TG: variants seen among roughly 807,000 people sequenced by gnomAD.
TG encodes thyroglobulin.
TG carries 270 observed loss-of-function variants against 324.7 expected under a neutral mutation model. The ratio of observed to expected loss-of-function variants is 0.83; its 90% confidence interval spans 0.75 to 0.92. The LOEUF (loss-of-function observed/expected upper bound fraction) is 0.92, where lower values mean the gene tolerates loss of function less well. Ranked by LOEUF, TG falls within the 40% of genes least tolerant of loss-of-function variation. The pLI is 0.00. For synonymous variants in TG, 1,401 were observed against 1,327.0 expected, an observed-to-expected ratio of 1.06 and a Z score of -1.21; for missense variants, 3,591 against 3,456.4, an observed-to-expected ratio of 1.04 and a Z score of -0.98.
chr8:132,914,115 A>G (rs1819948244), intron 20 of TG, among the ~76,000 whole-genome samples: 1 of 152,022 alleles, frequency 6.6e-6, no homozygotes, highest in African/African-American at 2.4e-5. Context: ...GATTCAGGAT[A>G]CTCCTTTATT....
chr8:133,052,991 G>A (rs1459017276), intron 41 of TG, among the ~76,000 whole-genome samples: 1 of 152,204 alleles, frequency 6.6e-6, no homozygotes, highest in African/African-American at 2.4e-5. Context: ...TGAATGGGCC[G>A]TTTATTAACA....
intron 41 of TG, among the ~76,000 whole-genome samples, chr8:133,073,573 C>T (rs1235321090): frequency 6.6e-6 from 1 of 152,154 alleles, no homozygotes; most frequent in East Asian, 1.9e-4. Context: ...CTATTAGTTG[C>T]AACAAATTTG....
intron 43 of TG, among the ~76,000 whole-genome samples, chr8:133,103,905 G>T (rs1479812243): frequency 6.6e-6 from 1 of 152,252 alleles, no homozygotes; most frequent in African/African-American, 2.4e-5. Flanking sequence ...AAAGGACACA[G>T]ATGATGTAAG....
In TG at chr8:132,886,965, C is replaced by A; in HGVS notation, c.1593C>A (p.Ser531=). ...CTGTGGGATTAGATTCAAATTCTTC[C>A]ACAGGAACCCCTGAAGCTGCTAAGA... ...PLSVGLDSNS[S]TGTPEAAKKD... Residue 531 remains serine, a synonymous_variant, in exon 9 of 48, where the codon TCC becomes TCA. Coordinates refer to ENST00000220616, the MANE Select transcript of TG (RefSeq NM_003235.5). 6.2e-7 allele frequency: 1 copy of A among 1,614,136 alleles called. No homozygotes were observed. The highest frequency in any genetic ancestry group is 2.2e-5 in the East Asian group (1 of 44,876).
chr8:133,035,497 T>C (rs1406713359), intron 41 of TG, among the ~76,000 whole-genome samples: 1 of 152,204 alleles, frequency 6.6e-6, no homozygotes, highest in Non-Finnish European at 1.5e-5. Flanking sequence ...TATTTATTTA[T>C]TTACTTATCT....
At chr8:133,039,860 C>T in intron 41 of TG, 1 of 1,430,574 alleles carries the variant, frequency 7.0e-7, no homozygotes, top group South Asian at 1.4e-5. Flanking sequence ...GCTCACCCCC[C>T]AGTTTCAGCA....
chr8:133,030,113 A>G (rs922879314), intron 41 of TG, 90 bp downstream of exon 41: 33 of 1,512,608 alleles, frequency 2.2e-5, no homozygotes, highest in African/African-American at 4.1e-5. Context: ...GTTGGCTTCA[A>G]TTGCTTGGGT....
intron 41 of TG, among the ~76,000 whole-genome samples, chr8:133,078,983 T>C (rs1376499789): frequency 6.6e-6 from 1 of 152,150 alleles, no homozygotes; most frequent in Non-Finnish European, 1.5e-5. Flanking sequence ...AAGAAACCTC[T>C]AGGGCTCCTG....
At chr8:133,127,753 G>A (rs1044444728) in intron 45 of TG, among the ~76,000 whole-genome samples, 14 of 152,108 alleles carry the variant, frequency 9.2e-5, no homozygotes, top group Admixed American at 2.0e-4. Flanking sequence ...GACCTGTGAG[G>A]CCAGCGCCTT....
rs1284536797 is a variant in TG at position 132,911,590 on chromosome 8, T to G, written c.4159+57T>G. 3 of 1,453,738 alleles carry G rather than the reference T, an allele frequency of 2.1e-6. No individual in the cohort carries two copies. The African/African-American group carries it at 4.2e-5, about 20-fold the overall frequency. The allele number at this position is 1,453,738 out of a possible 1,614,324, so 90.1% of individuals were successfully genotyped here. ...GCTATGCAGCCTCTCTGAGTCTCAG[T>G]TTTCTCATCTGCCAAATGGAGCTGG... On this transcript the variant is annotated intron_variant, in intron 19 of 47. Coordinates refer to ENST00000220616, the MANE Select transcript of TG (RefSeq NM_003235.5).
chr8:132,904,686 C>T (rs562518347), intron 16 of TG, among the ~76,000 whole-genome samples: 4 of 152,228 alleles, frequency 2.6e-5, no homozygotes, highest in South Asian at 4.2e-4. Context: ...GGAGGAAAAC[C>T]CCTTTCTAGC....
chr8:132,893,257 T>C (rs853312), intron 10 of TG, among the ~76,000 whole-genome samples: 6 of 139,958 alleles, frequency 4.3e-5, no homozygotes, highest in African/African-American at 1.6e-4. Flanking sequence ...GTGGTGTGTA[T>C]GTGTGTGGTG....
intron 44 of TG, 50 bp downstream of exon 44, chr8:133,113,653 C>T (rs371498572): frequency 1.3e-5 from 21 of 1,592,762 alleles, no homozygotes; most frequent in African/African-American, 2.7e-5. Context: ...TGTTTTGGAG[C>T]AGACTCAGTT....
Position 133,046,087 on chromosome 8 carries a change from A to G in TG, c.7239+16064A>G, listed in dbSNP as rs570688071. 2.0e-5 allele frequency among the ~76,000 whole-genome samples: 3 copies of G among 152,328 alleles called. 1 individual carries two copies. In the South Asian group the frequency reaches 6.2e-4, roughly 32 times the overall value. ...ACCTGATATGGGTTGGTAAGAGTAG[A>G]ACCGCAGCCATGTGCCTCGATTTCC... On this transcript the variant is annotated intron_variant, in intron 41 of 47. Coordinates refer to ENST00000220616, the MANE Select transcript of TG (RefSeq NM_003235.5).
At chr8:133,118,489 T>G (rs1850886840) in intron 45 of TG, among the ~76,000 whole-genome samples, 1 of 152,104 alleles carries the variant, frequency 6.6e-6, no homozygotes, top group Non-Finnish European at 1.5e-5. Context: ...GATTCCCAGC[T>G]AATTTTCGTA....
intron 41 of TG, among the ~76,000 whole-genome samples, chr8:133,089,460 C>T (rs1335985648): frequency 6.6e-6 from 1 of 152,110 alleles, no homozygotes; most frequent in African/African-American, 2.4e-5. Context: ...TCTGTAATAC[C>T]CCATTTAAAA....
rs187019927 is a variant in TG, at chr8:132,956,530, A to C, written c.5402-4478A>C. ...AACCTGATTCTGAAAGAATGAGTAG[A>C]GGTCAATCAAGTGAAAGAGAACAGG... is the stretch of plus-strand genomic sequence containing the variant. On this transcript the variant is annotated intron_variant, in intron 27 of 47. Coordinates refer to ENST00000220616, the MANE Select transcript of TG (RefSeq NM_003235.5). 4.6e-5 allele frequency among the ~76,000 whole-genome samples: 7 copies of C among 152,320 alleles called. No homozygotes were observed. In the East Asian group the frequency reaches 1.4e-3, roughly 29 times the overall value.
At chr8:132,892,749 T>G (rs1480808952) in intron 10 of TG, among the ~76,000 whole-genome samples, 2 of 151,496 alleles carry the variant, frequency 1.3e-5, no homozygotes, top group African/African-American at 4.9e-5. Context: ...GTATGGTGTG[T>G]GCACTTATGT....
chr8:132,922,414 G>A (rs549197922), intron 21 of TG, among the ~76,000 whole-genome samples: 9 of 152,316 alleles, frequency 5.9e-5, no homozygotes, highest in African/African-American at 2.2e-4. Flanking sequence ...ACCATACCTG[G>A]TCTGTGCCTT....
Sources: allele counts gnomAD v4.1 joint callset (sites outside exome capture counted in the v4.1 genomes callset), GRCh38; gene constraint gnomAD v4.1.1; transcripts MANE v1.5; gene names NCBI Gene and HGNC (gene_info 2026-07-23, HGNC 2026-07-21).